The following TMEM63A variants were observed in gnomAD, a reference collection of about 807,000 sequenced individuals.
The protein encoded by TMEM63A is transmembrane protein 63A, also known as mechanosensitive cation channel TMEM63A.
In TMEM63A, 76 loss-of-function variants were observed where a neutral mutation model predicts 100.6. The observed-to-expected ratio is 0.76, with a 90% confidence interval of 0.63 to 0.91. The LOEUF is 0.91. Among genes scored for constraint, TMEM63A ranks in the 40% least tolerant of loss-of-function variants. The probability of loss-of-function intolerance (pLI) is 0.00; values close to 1 mark genes in which losing one functional copy is unlikely to be tolerated. For synonymous variants in TMEM63A, 401 were observed against 401.1 expected (o/e 1.00, Z 0.00); for missense variants, 876 against 1,008.8 (o/e 0.87, Z 1.78).
In TMEM63A at chr1:225,870,073, G is replaced by C. The variant is rs532762218; in HGVS notation, c.371+1003C>G. On this transcript the variant is annotated intron_variant, in intron 6 of 24. Transcript: ENST00000366835. ...TATAAAATAACATGCACCTGGGCCGGGCGCGGTGGCTCATGCCTATAATCC... is the reference window on the plus strand; with the variant it reads ...TATAAAATAACATGCACCTGGGCCGCGCGCGGTGGCTCATGCCTATAATCC... Among the ~76,000 whole-genome samples the C allele has an allele frequency of 8.5e-5, 13 of 152,164 alleles. No homozygotes were observed. In the South Asian group the frequency reaches 2.7e-3, roughly 32 times the overall value.
intron 18 of TMEM63A, among the ~76,000 whole-genome samples, chr1:225,854,593 G>A (rs948728222): frequency 3.3e-5 from 5 of 152,164 alleles, no homozygotes; most frequent in African/African-American, 7.2e-5. Flanking sequence ...CAGATTTGAG[G>A]GTAAAAGTCG....
At chr1:225,877,871 T>C (rs1025656355) in intron 2 of TMEM63A, among the ~76,000 whole-genome samples, 1 of 152,118 alleles carries the variant, frequency 6.6e-6, no homozygotes, top group Non-Finnish European at 1.5e-5. Flanking sequence ...GGGGGCGACA[T>C]GGAGCAAAGG....
chr1:225,863,047 CTTTTG>C (rs569583910), intron 10 of TMEM63A, 196 bp from the exon 11 acceptor site: 52 of 605,578 alleles, frequency 8.6e-5, no homozygotes, highest in Admixed American at 2.0e-4. Context: ...ACAAAGAGGG[CTTTTG>C]TTTTGTTTTG....
chr1:225,856,530 G>T, intron 17 of TMEM63A, 122 bp downstream of exon 17: 1 of 933,446 alleles, frequency 1.1e-6, no homozygotes, highest in Non-Finnish European at 1.6e-6. Context: ...GAGTGGTTGC[G>T]ACAGGCTTAG....
chr1:225,845,006 C>G (rs1363838231), downstream of TMEM63A: 1 of 947,378 alleles, frequency 1.1e-6, no homozygotes, highest in Non-Finnish European at 1.7e-6. Context: ...GCGGTTGAGA[C>G]CCTGGATTTG....
rs774499195 is a variant in TMEM63A, at chr1:225,859,202, C to T, written c.1371G>A (p.Ala457=). 2.1e-5 allele frequency: 34 copies of T among 1,614,036 alleles called. No individual in the cohort carries two copies. The Middle Eastern group carries it at 4.1e-3, about 196-fold the overall frequency. The change falls in exon 15 of 25, where the codon GCG becomes GCA. Residue 457 remains alanine (A), a synonymous_variant. Transcript: ENST00000366835. ...TTGCAGAACAGTTACTCACATTCAG[C>T]GCATGGATGGGTTTGGTGACATTAA... ...DKFNVTKPIH[A]LNNPIISQFF...
At chr1:225,870,482 G>A (rs943504241) in intron 6 of TMEM63A, among the ~76,000 whole-genome samples, 1 of 151,660 alleles carries the variant, frequency 6.6e-6, no homozygotes, top group Non-Finnish European at 1.5e-5. Context: ...CCACATGAGA[G>A]GTAACTAACT....
rs773615432 is a variant in TMEM63A at position 225,847,262 on chromosome 1, C to T, written c.2251-49G>A. ...TGGCCTGGACAGGCATGAGCTTCCACACTGCATCCCTCCCCTCCTGCCCTT... is the reference window on the plus strand; with the variant it reads ...TGGCCTGGACAGGCATGAGCTTCCATACTGCATCCCTCCCCTCCTGCCCTT... On this transcript the variant is annotated intron_variant, in intron 23 of 24. Transcript: ENST00000366835. 4 of 1,585,120 alleles carry T rather than the reference C, an allele frequency of 2.5e-6. No individual in the cohort carries two copies. In the Admixed American group the frequency reaches 5.1e-5, roughly 20 times the overall value.
At chr1:225,858,954 G>A (rs1053649400) in intron 15 of TMEM63A, among the ~76,000 whole-genome samples, 1 of 7,352 alleles carries the variant, frequency 1.4e-4, no homozygotes, top group African/African-American at 3.9e-4. Flanking sequence ...TATAATGTGT[G>A]TGTGTGTGTG....
chr1:225,840,765 G>C (rs1668330410), downstream of TMEM63A: 1 of 153,578 alleles, frequency 6.5e-6, no homozygotes, highest in African/African-American at 2.4e-5. Flanking sequence ...CAGTCCGGAA[G>C]GTCTGCTAGG....
chr1:225,843,473 G>C (rs866497130), downstream of TMEM63A, among the ~76,000 whole-genome samples: 27 of 152,318 alleles, frequency 1.8e-4, no homozygotes, highest in Admixed American at 3.9e-4. Context: ...CTTCGTCTGG[G>C]ATCTGTTTCC....
intron 13 of TMEM63A, chr1:225,861,975 G>A (rs779994979): frequency 6.1e-5 from 37 of 602,942 alleles, no homozygotes; most frequent in African/African-American, 1.3e-4. Flanking sequence ...ACATCAGCTC[G>A]AGGGGGTCAG....
intron 23 of TMEM63A, among the ~76,000 whole-genome samples, chr1:225,847,860 A>ACCCTG (rs2102808088): frequency 6.6e-6 from 1 of 152,246 alleles, no homozygotes; most frequent in South Asian, 2.1e-4. Context: ...ACCAGAAAGA[A>ACCCTG]CCCTGCAGAT....
Position 225,856,673 on chromosome 1 carries a change from AG to A in TMEM63A, c.1549del (p.Leu517CysfsTer9). The A allele has an allele frequency of 6.2e-7, 1 of 1,613,770 alleles. No homozygotes were observed. Among genetic ancestry groups the A allele is most frequent in the Non-Finnish European group, 8.5e-7 (1 of 1,179,926 alleles). On this transcript the variant is annotated frameshift_variant, in exon 17 of 25. Transcript: ENST00000366835. LOFTEE classifies it high-confidence loss of function. ...YIFLIFMVLILPSLGLTSLDF... is the reference protein window; with the variant it reads ...YIFLIFMVLIXPSLGLTSLDF... ...ATACCTGGTGAGACCCAGGGAGGGC[AG>A]GATCAGCACCATGAAGATCAAGAAT... is the stretch of plus-strand genomic sequence containing the variant.
At position 225,871,465 on chromosome 1, in the gene TMEM63A, G is replaced by A. The variant is rs941823697; in HGVS notation, c.334-352C>T. The A allele has an allele frequency of 2.4e-5, 6 of 253,858 alleles. 1 individual carries two copies. The highest frequency in any genetic ancestry group is 1.4e-4 in the Admixed American group (3 of 21,182). 15.7% of individuals were successfully genotyped at this position (253,858 alleles called of 1,614,324 possible). ...AGGAAACAAGCCTAATGGATTGGAC[G>A]GTCCGCTGGAGTGGGTGTTAGGGGG... On this transcript the variant is annotated intron_variant, in intron 5 of 24. Coordinates refer to ENST00000366835, the MANE Select transcript of TMEM63A (RefSeq NM_014698.3).
downstream of TMEM63A, among the ~76,000 whole-genome samples, chr1:225,844,224 T>G (rs1668700265): frequency 6.9e-6 from 1 of 145,916 alleles, no homozygotes; most frequent in Non-Finnish European, 1.5e-5. Context: ...GGAGGAGAGG[T>G]CAGTGGCAGG....
downstream of TMEM63A, chr1:225,844,630 C>G: frequency 6.2e-7 from 1 of 1,613,904 alleles, no homozygotes; most frequent in Non-Finnish European, 8.5e-7. Flanking sequence ...AGCGGTGAGC[C>G]TGGCTGAGCC....
intron 13 of TMEM63A, chr1:225,861,974 C>A: frequency 3.3e-6 from 2 of 599,420 alleles, no homozygotes; most frequent in Non-Finnish European, 5.8e-6. Context: ...CACATCAGCT[C>A]GAGGGGGTCA....
intron 3 of TMEM63A, among the ~76,000 whole-genome samples, chr1:225,875,260 T>C (rs1205960068): frequency 6.6e-6 from 1 of 152,176 alleles, no homozygotes; most frequent in Non-Finnish European, 1.5e-5. Flanking sequence ...TTGTGTCCAA[T>C]GGCAACCTCA....
Sources: allele counts gnomAD v4.1 joint callset (sites outside exome capture counted in the v4.1 genomes callset), GRCh38; gene constraint gnomAD v4.1.1; transcripts MANE v1.5; gene names NCBI Gene and HGNC (gene_info 2026-07-23, HGNC 2026-07-21).